The following WNT4 variants were observed in gnomAD, a reference collection of about 807,000 sequenced individuals.
WNT4 encodes Wnt family member 4.
Under a neutral mutation model 34.5 loss-of-function variants are expected in WNT4, and 16 were observed. The observed-to-expected ratio is 0.46, with a 90% CI of 0.31 to 0.70. The LOEUF (loss-of-function observed/expected upper bound fraction) is 0.70, where lower values mean the gene tolerates loss of function less well. Among genes scored for constraint, WNT4 ranks in the 30% least tolerant of loss-of-function variants. The pLI is 0.04. For synonymous variants in WNT4, 200 were observed against 211.9 expected (o/e 0.94, Z 0.49); for missense variants, 379 against 495.9 (o/e 0.76, Z 2.24).
At position 22,119,568 on chromosome 1, in the gene WNT4, C is replaced by T; in HGVS notation, c.*482G>A. On this transcript the variant is annotated 3_prime_UTR_variant, in exon 5 of 5. Transcript: ENST00000290167. Reference sequence around the variant, plus strand: ...ATTTGAGAGACATGGCTTCTAGGCTCAAGCTGCCAGGAGTCCATGTGTATG... The same window carrying T: ...ATTTGAGAGACATGGCTTCTAGGCTTAAGCTGCCAGGAGTCCATGTGTATG... 1 of 191,544 alleles carries T rather than the reference C, an allele frequency of 5.2e-6. No individual in the cohort carries two copies. The highest frequency in any genetic ancestry group is 5.3e-5 in the Admixed American group (1 of 18,820). The allele number at this position is 191,544 out of a possible 1,614,324, so 11.9% of individuals were successfully genotyped here. A position where few individuals can be genotyped will look rare whatever the true frequency, so the allele number is the denominator to read the frequency against.
At chr1:22,122,550 C>T (rs1430911889) in intron 2 of WNT4, among the ~76,000 whole-genome samples, 2 of 152,076 alleles carry the variant, frequency 1.3e-5, no homozygotes, top group Admixed American at 6.5e-5. Flanking sequence ...CTGGAGTATG[C>T]ATGGCCGGCT....
Position 22,142,031 on chromosome 1 carries a change from C to T in WNT4, c.77+815G>A, listed in dbSNP as rs1019706726. Reference sequence around the variant, plus strand: ...TGAAAGGAGCGCGGGTCCGCTTGCTCCCTGTCCACCCACTCACTGGAGCTC... The same window carrying T: ...TGAAAGGAGCGCGGGTCCGCTTGCTTCCTGTCCACCCACTCACTGGAGCTC... On this transcript the variant is annotated intron_variant, in intron 1 of 4. Coordinates refer to ENST00000290167, the MANE Select transcript of WNT4 (RefSeq NM_030761.5). This position sits in a 1 kb window ranked among gnomAD's most constrained non-coding sequence, Gnocchi z 6.0. Among the ~76,000 whole-genome samples, 1 of 152,180 alleles carries T rather than the reference C, an allele frequency of 6.6e-6. No individual in the cohort carries two copies. Among genetic ancestry groups the T allele is most frequent in the Non-Finnish European group, 1.5e-5 (1 of 68,036 alleles).
intron 2 of WNT4, among the ~76,000 whole-genome samples, chr1:22,122,290 C>T (rs1176148101): frequency 6.6e-6 from 1 of 152,130 alleles, no homozygotes; most frequent in African/African-American, 2.4e-5. Context: ...CATTGTCCCC[C>T]ATTTTATAGA....
At position 22,118,279 on chromosome 1, in the gene WNT4, G is replaced by A. The variant is rs1367186319; in HGVS notation, c.*1771C>T. ...CACAGGAGCCAGGAGCTTGGAGTCT[G>A]GGAACCCCAAGTGGGGGATCACAGA... On this transcript the variant is annotated 3_prime_UTR_variant, in exon 5 of 5. Transcript: ENST00000290167. The A allele has an allele frequency of 6.6e-6, 1 of 152,244 alleles. No homozygotes were observed. The highest frequency in any genetic ancestry group is 1.5e-5 in the Non-Finnish European group (1 of 68,044). The allele number at this position is 152,244 out of a possible 1,614,324, so 9.4% of individuals were successfully genotyped here. A position where few individuals can be genotyped will look rare whatever the true frequency, so the allele number is the denominator to read the frequency against.
chr1:22,128,135 A>G (rs1645954276), intron 2 of WNT4, among the ~76,000 whole-genome samples: 1 of 152,212 alleles, frequency 6.6e-6, no homozygotes. Context: ...ATGTTCAGCA[A>G]TGCCAAGCGA....
At position 22,118,222 on chromosome 1, in the gene WNT4, C is replaced by G. The variant is rs565821485; in HGVS notation, c.*1828G>C. ...GTTTCTGCAGGCTGGAGCCCATATT[C>G]CGAATCTCGGACGTTGAATTCAGCC... On this transcript the variant is annotated 3_prime_UTR_variant, in exon 5 of 5. Transcript: ENST00000290167. 2 of 152,366 alleles carry G rather than the reference C, an allele frequency of 1.3e-5. No homozygotes were observed. The highest frequency in any genetic ancestry group is 3.9e-4 in the East Asian group (2 of 5,188). 9.4% of individuals were successfully genotyped at this position (152,366 alleles called of 1,614,324 possible). A position where few individuals can be genotyped will look rare whatever the true frequency, so the allele number is the denominator to read the frequency against.
Position 22,134,971 on chromosome 1 carries a change from T to A in WNT4, c.78-5120A>T, listed in dbSNP as rs1273945056. On this transcript the variant is annotated intron_variant, in intron 1 of 4. Transcript: ENST00000290167. This position sits in a 1 kb window ranked among gnomAD's most constrained non-coding sequence, Gnocchi z 4.1. ...GTACAGTGGATGACCTCAGCAGCCATCCCAATGGCAGGCTTTTGACAGAGT... is the reference window on the plus strand; with the variant it reads ...GTACAGTGGATGACCTCAGCAGCCAACCCAATGGCAGGCTTTTGACAGAGT... 6.6e-6 allele frequency among the ~76,000 whole-genome samples: 1 copy of A among 152,206 alleles called. No homozygotes were observed. The highest frequency in any genetic ancestry group is 1.5e-5 in the Non-Finnish European group (1 of 68,046).
chr1:22,129,557 G>T, intron 2 of WNT4, 59 bp downstream of exon 2: 1 of 1,557,698 alleles, frequency 6.4e-7, no homozygotes, highest in Non-Finnish European at 8.7e-7. Flanking sequence ...CTCATTTCCT[G>T]CTGGGCCCAT....
At chr1:22,127,977 C>T (rs1280338084) in intron 2 of WNT4, among the ~76,000 whole-genome samples, 1 of 152,220 alleles carries the variant, frequency 6.6e-6, no homozygotes, top group Non-Finnish European at 1.5e-5. Flanking sequence ...GTCCAATACA[C>T]ACCTACTGTG....
intron 4 of WNT4, among the ~76,000 whole-genome samples, 191 bp downstream of exon 4, chr1:22,121,020 A>G (rs1446478326): frequency 1.3e-5 from 2 of 152,080 alleles, no homozygotes; most frequent in Non-Finnish European, 2.9e-5. Flanking sequence ...CACTTACCCC[A>G]TTCTGTAACG....
intron 2 of WNT4, chr1:22,127,345 G>A (rs1464996741): frequency 1.9e-6 from 1 of 532,412 alleles, no homozygotes. Context: ...TTCTCATGGG[G>A]TCCTGAGTAC....
intron 2 of WNT4, among the ~76,000 whole-genome samples, chr1:22,128,434 G>A (rs956546570): frequency 2.0e-5 from 3 of 152,170 alleles, no homozygotes; most frequent in Non-Finnish European, 2.9e-5. Flanking sequence ...GAGCTTGGCC[G>A]GCGACCTCTG....
At chr1:22,133,345 T>G (rs1645997814) in intron 1 of WNT4, among the ~76,000 whole-genome samples, 1 of 151,922 alleles carries the variant, frequency 6.6e-6, no homozygotes, top group African/African-American at 2.4e-5. Context: ...GCTGCTGTGG[T>G]CTTTTGATCT....
chr1:22,129,439 C>A (rs561904089), intron 2 of WNT4, among the ~76,000 whole-genome samples, 177 bp downstream of exon 2: 2 of 152,364 alleles, frequency 1.3e-5, no homozygotes, highest in East Asian at 3.9e-4. Context: ...CTGGATCATC[C>A]TCCTGTCCTG....
At chr1:22,141,871 C>A (rs1646070586) in intron 1 of WNT4, among the ~76,000 whole-genome samples, 1 of 152,250 alleles carries the variant, frequency 6.6e-6, no homozygotes, top group African/African-American at 2.4e-5. Flanking sequence ...CCCCTTCCCA[C>A]CCCATGCTTT....
chr1:22,127,300 G>A (rs1645948064), intron 2 of WNT4: 1 of 527,878 alleles, frequency 1.9e-6, no homozygotes, highest in Non-Finnish European at 3.9e-6. Context: ...CGGTGTGGGT[G>A]CCCCCTTGGT....
chr1:22,139,069 C>T lies in WNT4; in HGVS notation c.77+3777G>A, dbSNP rs1646045064. Among the ~76,000 whole-genome samples, 2 of 152,266 alleles carry T rather than the reference C, an allele frequency of 1.3e-5. No homozygotes were observed. Among genetic ancestry groups the T allele is most frequent in the East Asian group, 1.9e-4 (1 of 5,184 alleles). On this transcript the variant is annotated intron_variant, in intron 1 of 4. Coordinates refer to ENST00000290167, the MANE Select transcript of WNT4 (RefSeq NM_030761.5). This position sits in a 1 kb window ranked among gnomAD's most constrained non-coding sequence, Gnocchi z 4.6. ...TCTTCCTGACTCTGGGAGGCTCCTG[C>T]GGGGGCCCTTGTTGAGCAAGGGGGT... is the stretch of plus-strand genomic sequence containing the variant.
chr1:22,139,742 C>A lies in WNT4; in HGVS notation c.77+3104G>T, dbSNP rs1360828975. Among the ~76,000 whole-genome samples, 1 of 152,202 alleles carries A rather than the reference C, an allele frequency of 6.6e-6. No individual in the cohort carries two copies. The highest frequency in any genetic ancestry group is 1.9e-4 in the East Asian group (1 of 5,188). Reference sequence around the variant, plus strand: ...CCAGGTATCCTGACTCCCGGTACAGCCTCAGTGCAGGGAAGAGGGGACATT... The same window carrying A: ...CCAGGTATCCTGACTCCCGGTACAGACTCAGTGCAGGGAAGAGGGGACATT... On this transcript the variant is annotated intron_variant, in intron 1 of 4. Transcript: ENST00000290167. This position sits in a 1 kb window ranked among gnomAD's most constrained non-coding sequence, Gnocchi z 4.6.
At chr1:22,132,225 CCT>C (rs1645989843) in intron 1 of WNT4, among the ~76,000 whole-genome samples, 1 of 152,170 alleles carries the variant, frequency 6.6e-6, no homozygotes. Flanking sequence ...GGGTGGGGGC[CCT>C]GTTTGCTCTA....
Sources: allele counts gnomAD v4.1 joint callset (sites outside exome capture counted in the v4.1 genomes callset), GRCh38; gene constraint gnomAD v4.1.1; non-coding constraint Gnocchi (gnomAD v3.1); transcripts MANE v1.5; gene names NCBI Gene and HGNC (gene_info 2026-07-23, HGNC 2026-07-21).